Variants in MYT1L observed in about 807,000 individuals in gnomAD.
MYT1L encodes the protein myelin transcription factor 1 like.
Under a neutral mutation model 126.7 loss-of-function variants are expected in MYT1L, and 12 were observed. The observed-to-expected ratio is 0.09, with a 90% CI of 0.06 to 0.15. The LOEUF is 0.15. MYT1L is among the 10% of genes least tolerant of loss of function. The pLI is 1.00. For synonymous variants in MYT1L, 541 were observed against 604.2 expected (o/e 0.90, Z 1.53); for missense variants, 979 against 1,585.2 (o/e 0.62, Z 6.49).
chr2:2,164,989 C>T (rs528805651), intron 3 of MYT1L, among the ~76,000 whole-genome samples: 3 of 152,238 alleles, frequency 2.0e-5, no homozygotes, highest in Non-Finnish European at 2.9e-5. Flanking sequence ...AACTGTTTGG[C>T]GGGGCTCTTT....
intron 3 of MYT1L, among the ~76,000 whole-genome samples, chr2:2,113,337 G>A (rs749429407): frequency 6.6e-6 from 1 of 152,180 alleles, no homozygotes; most frequent in Non-Finnish European, 1.5e-5. Flanking sequence ...TGATCCAGGT[G>A]CAAAAACAAA....
chr2:1,815,318 T>A (rs2037451040), intron 21 of MYT1L, among the ~76,000 whole-genome samples: 1 of 152,172 alleles, frequency 6.6e-6, no homozygotes, highest in Non-Finnish European at 1.5e-5. Context: ...CTGAGCAGCA[T>A]CAACAGGCCC....
intron 3 of MYT1L, among the ~76,000 whole-genome samples, chr2:2,123,946 A>G (rs1186253137): frequency 6.6e-6 from 1 of 152,216 alleles, no homozygotes; most frequent in Non-Finnish European, 1.5e-5. Context: ...TACAGGGAAC[A>G]GCCTCTCTTG....
intron 9 of MYT1L, among the ~76,000 whole-genome samples, chr2:1,937,900 C>G (rs755778690): frequency 6.6e-6 from 1 of 152,134 alleles, no homozygotes; most frequent in Non-Finnish European, 1.5e-5. Flanking sequence ...ATCTGGAGAA[C>G]GCGATACAGG....
chr2:2,236,437 C>T lies in MYT1L; in HGVS notation c.-421+47967G>A, dbSNP rs944694023. ...CCCAACCCAGCCCAGTACAACCCAA[C>T]CCAGACCAGTACATCCCAACCCAAC... On this transcript the variant is annotated intron_variant, in intron 2 of 24. Transcript: ENST00000647738. 1.4e-5 allele frequency among the ~76,000 whole-genome samples: 2 copies of T among 140,666 alleles called. 1 individual carries two copies. The allele number at this position is 140,666 out of a possible 152,430, so 92.3% of individuals were successfully genotyped here. A position where few individuals can be genotyped will look rare whatever the true frequency, so the allele number is the denominator to read the frequency against.
intron 2 of MYT1L, among the ~76,000 whole-genome samples, chr2:2,264,324 T>C (rs2095065771): frequency 6.6e-6 from 1 of 152,146 alleles, no homozygotes; most frequent in South Asian, 2.1e-4. Flanking sequence ...TGATGCCTTT[T>C]TCTTTATTTG....
At chr2:1,844,082 G>T (rs1465821301) in intron 19 of MYT1L, among the ~76,000 whole-genome samples, 1 of 152,134 alleles carries the variant, frequency 6.6e-6, no homozygotes, top group African/African-American at 2.4e-5. Flanking sequence ...TGTGCTTGGA[G>T]GGGTGTGGTC....
At chr2:2,063,401 G>A (rs969515304) in intron 3 of MYT1L, among the ~76,000 whole-genome samples, 2 of 152,094 alleles carry the variant, frequency 1.3e-5, no homozygotes, top group Non-Finnish European at 2.9e-5. Context: ...AAAGCCTCCT[G>A]GAAACCCTTT....
At chr2:1,992,632 T>A (rs776047714) in intron 5 of MYT1L, among the ~76,000 whole-genome samples, 2 of 152,170 alleles carry the variant, frequency 1.3e-5, no homozygotes, top group Admixed American at 1.3e-4. Flanking sequence ...CTTAACCCAC[T>A]CCATCTTGCT....
intron 1 of MYT1L, among the ~76,000 whole-genome samples, chr2:2,307,395 C>T (rs2095872473): frequency 6.6e-6 from 1 of 151,998 alleles, no homozygotes; most frequent in Non-Finnish European, 1.5e-5. Flanking sequence ...AAGATAATGA[C>T]AGGCTACTCT....
intron 1 of MYT1L, chr2:2,324,881 A>G (rs1397072336): frequency 6.6e-6 from 1 of 152,344 alleles, no homozygotes; most frequent in Non-Finnish European, 1.5e-5. Context: ...ACAGCTGTGG[A>G]TTAAACCAGT....
intron 19 of MYT1L, among the ~76,000 whole-genome samples, chr2:1,844,252 G>A (rs951427752): frequency 1.3e-5 from 2 of 152,088 alleles, no homozygotes; most frequent in African/African-American, 2.4e-5. Context: ...AGGGCCCCCC[G>A]CAGCACCCTG....
At chr2:2,299,941 GA>G (rs1168099590) in intron 1 of MYT1L, among the ~76,000 whole-genome samples, 3 of 151,854 alleles carry the variant, frequency 2.0e-5, no homozygotes, top group African/African-American at 4.8e-5. Context: ...AAAGCAAAGG[GA>G]AAAAAAATCA....
chr2:1,974,964 T>C (rs894202135), intron 8 of MYT1L, among the ~76,000 whole-genome samples: 1 of 152,218 alleles, frequency 6.6e-6, no homozygotes, highest in Admixed American at 6.5e-5. Context: ...ACAGAGATTA[T>C]CTTTTGTTCA....
intron 13 of MYT1L, among the ~76,000 whole-genome samples, chr2:1,903,960 CGTGT>C (rs569191144): frequency 1.3e-5 from 2 of 152,058 alleles, no homozygotes; most frequent in Admixed American, 6.5e-5. Context: ...CGCGTGCGCG[CGTGT>C]GTGTGTCCAC....
At chr2:1,934,195 C>G (rs528904440) in intron 9 of MYT1L, among the ~76,000 whole-genome samples, 195 of 151,132 alleles carry the variant, frequency 1.3e-3, no homozygotes, top group Non-Finnish European at 2.4e-3. Context: ...AGGATGGTCT[C>G]GATCTCCTGA....
intron 4 of MYT1L, among the ~76,000 whole-genome samples, chr2:2,037,159 C>T (rs999027507): frequency 1.3e-5 from 2 of 152,234 alleles, no homozygotes; most frequent in African/African-American, 2.4e-5. Flanking sequence ...AATTTGCCAT[C>T]TCGTTTGTTC....
chr2:2,075,314 G>C (rs2075092069), intron 3 of MYT1L, among the ~76,000 whole-genome samples: 1 of 152,150 alleles, frequency 6.6e-6, no homozygotes, highest in Non-Finnish European at 1.5e-5. Flanking sequence ...TTGAAAATTT[G>C]ATGAAGCTAT....
intron 13 of MYT1L, among the ~76,000 whole-genome samples, chr2:1,905,267 C>T (rs1010096911): frequency 2.0e-5 from 3 of 151,932 alleles, no homozygotes; most frequent in African/African-American, 7.3e-5. Flanking sequence ...AAAATGTATT[C>T]CAAATAAAGA....
Sources: gnomAD v4.1 joint callset for allele counts (sites outside exome capture counted in the v4.1 genomes callset) on GRCh38, gnomAD v4.1.1 for gene constraint, MANE v1.5 for transcripts, NCBI Gene and HGNC (gene_info 2026-07-23, HGNC 2026-07-21) for gene names.